The following PLXDC1 variants were observed in gnomAD, a reference collection of about 807,000 sequenced individuals.
PLXDC1 encodes the protein plexin domain-containing protein 1.
In PLXDC1, 39 loss-of-function variants were observed where a neutral mutation model predicts 61.3. That is an observed-to-expected ratio of 0.64 (90% CI 0.49 to 0.83). The LOEUF is 0.83. Among genes scored for constraint, PLXDC1 ranks in the 40% least tolerant of loss-of-function variants. The pLI is 0.00. For missense variants in PLXDC1, 596 were observed against 666.5 expected (o/e 0.89, Z 1.17); for synonymous variants, 212 against 254.5 (o/e 0.83, Z 1.59).
At chr17:39,084,325 C>T (rs553371469) in intron 8 of PLXDC1, among the ~76,000 whole-genome samples, 81 of 152,288 alleles carry the variant, frequency 5.3e-4, no homozygotes, top group African/African-American at 1.9e-3. Context: ...TAGATTTTAG[C>T]TGCTCTTGCC....
At chr17:39,121,704 T>C (rs1911164528) in intron 2 of PLXDC1, among the ~76,000 whole-genome samples, 1 of 152,180 alleles carries the variant, frequency 6.6e-6, no homozygotes, top group African/African-American at 2.4e-5. Flanking sequence ...CTCCCAGTTA[T>C]AGCTAGGCAC....
chr17:39,077,726 C>A (rs971985860), intron 11 of PLXDC1, among the ~76,000 whole-genome samples, 187 bp downstream of exon 11: 10 of 152,224 alleles, frequency 6.6e-5, no homozygotes, highest in African/African-American at 1.9e-4. Context: ...AGTTCTAAAT[C>A]TGGCTCTGCT....
At chr17:39,102,744 A>ACACACACACT (rs1491541593) in intron 7 of PLXDC1, among the ~76,000 whole-genome samples, 4 of 92,762 alleles carry the variant, frequency 4.3e-5, no homozygotes, top group African/African-American at 1.8e-4. Context: ...ACACACACTC[A>ACACACACACT]CTCACCTGAA....
At chr17:39,094,291 C>G (rs1910061942) in intron 7 of PLXDC1, among the ~76,000 whole-genome samples, 1 of 152,166 alleles carries the variant, frequency 6.6e-6, no homozygotes, top group South Asian at 2.1e-4. Context: ...TCTCCTTCCC[C>G]TTCAGCACCA....
intron 2 of PLXDC1, among the ~76,000 whole-genome samples, chr17:39,114,588 T>C (rs1311821067): frequency 1.3e-5 from 2 of 152,254 alleles, no homozygotes; most frequent in Non-Finnish European, 2.9e-5. Flanking sequence ...TTATCGTGTT[T>C]AAGCACAGAG....
rs1909121362 is a variant in PLXDC1, at chr17:39,071,637, G to A, written c.1222+813C>T. Among the ~76,000 whole-genome samples the A allele has an allele frequency of 2.0e-5, 3 of 152,168 alleles. No homozygotes were observed. The South Asian group carries it at 6.2e-4, about 32-fold the overall frequency. On this transcript the variant is annotated intron_variant, in intron 12 of 13. Transcript: ENST00000315392. ...CAGCCTGCAGTGGCTCTGATGATTT[G>A]ATGATGAAGGCTTCTGCTGATGAGC...
At chr17:39,103,044 A>G (rs1226431577) in intron 7 of PLXDC1, among the ~76,000 whole-genome samples, 3 of 152,148 alleles carry the variant, frequency 2.0e-5, no homozygotes, top group Admixed American at 6.5e-5. Context: ...GTGAAACCCC[A>G]TCTCTACTAA....
In PLXDC1 at chr17:39,065,876, C is replaced by G. The variant is rs1334945651; in HGVS notation, c.*1964G>C. On this transcript the variant is annotated 3_prime_UTR_variant, in exon 14 of 14. Transcript: ENST00000315392. ...AGCCGTAGACCCCTACGCCTCCCCACCCCACAGGCACATGCAGGCTCCAGG... is the reference window on the plus strand; with the variant it reads ...AGCCGTAGACCCCTACGCCTCCCCAGCCCACAGGCACATGCAGGCTCCAGG... 2.0e-5 allele frequency: 3 copies of G among 152,686 alleles called. No homozygotes were observed. The highest frequency in any genetic ancestry group is 7.2e-5 in the African/African-American group (3 of 41,456). The allele number at this position is 152,686 out of a possible 1,614,324, so 9.5% of individuals were successfully genotyped here. A position where few individuals can be genotyped will look rare whatever the true frequency, so the allele number is the denominator to read the frequency against.
chr17:39,117,340 G>T (rs971341532), intron 2 of PLXDC1, among the ~76,000 whole-genome samples: 1 of 152,150 alleles, frequency 6.6e-6, no homozygotes, highest in Non-Finnish European at 1.5e-5. Flanking sequence ...AACACCAGCT[G>T]GGGGGTAGGA....
intron 2 of PLXDC1, among the ~76,000 whole-genome samples, chr17:39,137,752 G>A (rs1597660072): frequency 2.0e-5 from 3 of 152,008 alleles, no homozygotes; most frequent in African/African-American, 7.2e-5. Flanking sequence ...CAGGGTCAAG[G>A]GAACAGGGGA....
intron 1 of PLXDC1, among the ~76,000 whole-genome samples, chr17:39,142,625 A>G (rs1911970547): frequency 6.6e-6 from 1 of 152,206 alleles, no homozygotes; most frequent in African/African-American, 2.4e-5. Context: ...GGCTCAAGCA[A>G]TCCTCCCACC....
intron 10 of PLXDC1, 152 bp from the exon 11 acceptor site, chr17:39,078,200 C>T: frequency 3.9e-6 from 3 of 761,532 alleles, no homozygotes; most frequent in Non-Finnish European, 4.1e-6. Flanking sequence ...ATAAATAGAG[C>T]AAATCTGAAC....
At position 39,129,533 on chromosome 17, in the gene PLXDC1, T is replaced by C. The variant is rs528442945; in HGVS notation, c.255+10121A>G. Among the ~76,000 whole-genome samples, 3 of 138,746 alleles carry C rather than the reference T, an allele frequency of 2.2e-5. No individual in the cohort carries two copies. In the East Asian group the frequency reaches 6.6e-4, roughly 31 times the overall value. 91.0% of individuals were successfully genotyped at this position (138,746 alleles called of 152,430 possible). ...TTGGGAGGCTTAGGCAGGAGAATCG[T>C]TTGAACCCGGGAGGCGGAGGTTGCA... On this transcript the variant is annotated intron_variant, in intron 2 of 13. Coordinates refer to ENST00000315392, the MANE Select transcript of PLXDC1 (RefSeq NM_020405.5).
chr17:39,101,407 G>A (rs1386902982), intron 7 of PLXDC1, among the ~76,000 whole-genome samples: 1 of 152,138 alleles, frequency 6.6e-6, no homozygotes, highest in Admixed American at 6.5e-5. Context: ...ATGTGGTATG[G>A]GTGGCAATGA....
intron 7 of PLXDC1, among the ~76,000 whole-genome samples, chr17:39,097,540 T>C (rs1450637326): frequency 6.6e-6 from 1 of 152,056 alleles, no homozygotes; most frequent in East Asian, 1.9e-4. Flanking sequence ...CCATGGATAC[T>C]GTCCCAGAAA....
At chr17:39,089,629 G>A (rs536299508) in intron 7 of PLXDC1, among the ~76,000 whole-genome samples, 154 of 152,248 alleles carry the variant, frequency 1.0e-3, no homozygotes, top group African/African-American at 3.5e-3. Context: ...TACGTTTCTC[G>A]CTCGGCTGAA....
At chr17:39,112,824 G>A (rs1910856540) in intron 2 of PLXDC1, among the ~76,000 whole-genome samples, 1 of 152,056 alleles carries the variant, frequency 6.6e-6, no homozygotes, top group Non-Finnish European at 1.5e-5. Flanking sequence ...CCTAAATCCT[G>A]GGCTATCTTA....
chr17:39,080,458 T>G (rs1007248520), intron 9 of PLXDC1: 3 of 152,050 alleles, frequency 2.0e-5, no homozygotes, highest in African/African-American at 7.3e-5. Context: ...GAGACGAAAT[T>G]GTTTAAATCC....
At chr17:39,097,714 T>TAATA (rs147959612) in intron 7 of PLXDC1, among the ~76,000 whole-genome samples, 10,152 of 145,892 alleles carry the variant, frequency 0.07, 360 homozygotes, top group East Asian at 0.099. Context: ...TCTTTACAAA[T>TAATA]AATAAATAAA....
Sources: allele counts gnomAD v4.1 joint callset (sites outside exome capture counted in the v4.1 genomes callset), GRCh38; gene constraint gnomAD v4.1.1; transcripts MANE v1.5; gene names NCBI Gene and HGNC (gene_info 2026-07-23, HGNC 2026-07-21).